The following PLCB1 variants were observed in gnomAD, a reference collection of about 807,000 sequenced individuals.
PLCB1 encodes 1-phosphatidylinositol 4,5-bisphosphate phosphodiesterase beta-1.
A neutral mutation model predicts 161.8 loss-of-function variants in PLCB1; 46 were observed. That is an observed-to-expected ratio of 0.28 (90% CI 0.22 to 0.36). The LOEUF is 0.36. Among genes scored for constraint, PLCB1 ranks in the 10% least tolerant of loss-of-function variants. The probability of loss-of-function intolerance (pLI) is 1.00; values close to 1 mark genes in which losing one functional copy is unlikely to be tolerated. For missense variants in PLCB1, 1,016 were observed against 1,472.5 expected (o/e 0.69, Z 5.07); for synonymous variants, 517 against 503.7 (o/e 1.03, Z -0.35).
At chr20:8,694,589 C>G (rs1196535404) in intron 10 of PLCB1, among the ~76,000 whole-genome samples, 1 of 152,156 alleles carries the variant, frequency 6.6e-6, no homozygotes, top group Non-Finnish European at 1.5e-5. Flanking sequence ...AAATGTTTCT[C>G]AAAACTTTGA....
intron 9 of PLCB1, among the ~76,000 whole-genome samples, chr20:8,676,436 G>GAAAGAAAGAAAGAAAGAAAGAA (rs1568556522): frequency 1.3e-4 from 19 of 147,248 alleles, no homozygotes; most frequent in African/African-American, 4.2e-4. Context: ...GAAAGAAAGA[G>GAAAGAAAGAAAGAAAGAAAGAA]AGAAAGAGTA....
intron 31 of PLCB1, among the ~76,000 whole-genome samples, chr20:8,830,536 C>T (rs929142397): frequency 2.0e-5 from 3 of 152,200 alleles, no homozygotes; most frequent in African/African-American, 7.2e-5. Flanking sequence ...GTAAGGACCA[C>T]TGAATACACA....
intron 18 of PLCB1, among the ~76,000 whole-genome samples, chr20:8,730,910 A>G (rs1980205149): frequency 6.6e-6 from 1 of 151,744 alleles, no homozygotes; most frequent in South Asian, 2.1e-4. Context: ...TATTTTACAA[A>G]TGATCATCTT....
chr20:8,180,109 C>G (rs148821488), intron 2 of PLCB1, among the ~76,000 whole-genome samples: 6 of 151,892 alleles, frequency 4.0e-5, no homozygotes, highest in Non-Finnish European at 8.8e-5. Context: ...CCGCCCGCCT[C>G]GGCCTCCCAA....
chr20:8,802,160 G>T, intron 31 of PLCB1: 2 of 1,597,730 alleles, frequency 1.3e-6, no homozygotes, highest in Non-Finnish European at 1.7e-6. Context: ...GGTGACCACC[G>T]TCCTTCCGGC....
intron 3 of PLCB1, among the ~76,000 whole-genome samples, chr20:8,428,165 T>C (rs1007580132): frequency 1.3e-5 from 2 of 151,814 alleles, no homozygotes; most frequent in Non-Finnish European, 2.9e-5. Context: ...CTTGAGTCTC[T>C]CTAATAAAAA....
chr20:8,766,481 G>T (rs6086587), intron 26 of PLCB1, among the ~76,000 whole-genome samples: 58,487 of 152,010 alleles, frequency 0.38, 11,974 homozygotes, highest in Middle Eastern at 0.53. Flanking sequence ...ATGTGCTTGT[G>T]CCAGGAACAG....
At chr20:8,140,808 T>A (rs937584594) in intron 1 of PLCB1, among the ~76,000 whole-genome samples, 3 of 152,132 alleles carry the variant, frequency 2.0e-5, no homozygotes, top group African/African-American at 7.2e-5. Context: ...TTTTTTTATT[T>A]TTTTTTTTAG....
At chr20:8,591,250 A>G (rs1306581079) in intron 3 of PLCB1, among the ~76,000 whole-genome samples, 3 of 152,138 alleles carry the variant, frequency 2.0e-5, no homozygotes, top group African/African-American at 7.2e-5. Context: ...CTTGCCATGT[A>G]ACCTAACACA....
chr20:8,629,875 TTC>T (rs35542041), intron 4 of PLCB1, among the ~76,000 whole-genome samples: 7,891 of 81,894 alleles, frequency 0.096, 519 homozygotes, highest in Admixed American at 0.17. Context: ...CTTTCTTTCT[TTC>T]TCTCTCTCTT....
chr20:8,751,102 A>ATTTTT (rs368948762), intron 23 of PLCB1: 3,972 of 186,758 alleles, frequency 0.021, 59 homozygotes, highest in Non-Finnish European at 0.027. Flanking sequence ...AGCCCGGCTA[A>ATTTTT]TTTTTTTTTT....
intron 4 of PLCB1, among the ~76,000 whole-genome samples, chr20:8,645,080 G>C (rs1022835101): frequency 2.0e-5 from 3 of 151,918 alleles, no homozygotes; most frequent in Admixed American, 2.0e-4. Flanking sequence ...GATTAAGGGC[G>C]GTGCAAGATG....
intron 23 of PLCB1, among the ~76,000 whole-genome samples, chr20:8,748,004 AAAATC>A (rs1414510440): frequency 6.6e-6 from 1 of 152,210 alleles, no homozygotes; most frequent in Non-Finnish European, 1.5e-5. Context: ...ACTTGACACT[AAAATC>A]AAAGATGAGG....
chr20:8,668,142 GA>G (rs1180110774), intron 9 of PLCB1, among the ~76,000 whole-genome samples: 43 of 142,100 alleles, frequency 3.0e-4, no homozygotes, highest in East Asian at 1.2e-3. Flanking sequence ...GTCGAATGCA[GA>G]AAAAAAAAAA....
intron 3 of PLCB1, among the ~76,000 whole-genome samples, chr20:8,403,728 A>G (rs537205142): frequency 6.8e-4 from 104 of 152,318 alleles, no homozygotes; most frequent in Non-Finnish European, 1.2e-3. Flanking sequence ...CCACTGCAAG[A>G]CAGATTGTGG....
Position 8,789,710 on chromosome 20 carries a change from A to G in PLCB1, c.3336+135A>G. 5.8e-6 allele frequency: 4 copies of G among 685,058 alleles called. No individual in the cohort carries two copies. In the Admixed American group the frequency reaches 8.8e-5, roughly 15 times the overall value. 42.4% of individuals were successfully genotyped at this position (685,058 alleles called of 1,614,324 possible). On this transcript the variant is annotated intron_variant, in intron 30 of 31. Coordinates refer to ENST00000338037, the MANE Select transcript of PLCB1 (RefSeq NM_015192.4). ...CTAGCACCTAGCAGAGCTGTTTCAC[A>G]GGGTGGGCACTCCTTAATCAACATT...
intron 3 of PLCB1, among the ~76,000 whole-genome samples, chr20:8,442,623 A>G (rs1392612631): frequency 1.3e-5 from 2 of 152,212 alleles, no homozygotes; most frequent in Non-Finnish European, 2.9e-5. Flanking sequence ...AATATCTGTA[A>G]CAAAGGGTTA....
intron 3 of PLCB1, among the ~76,000 whole-genome samples, chr20:8,627,204 A>T (rs1028312694): frequency 1.3e-5 from 2 of 152,182 alleles, no homozygotes; most frequent in Admixed American, 6.5e-5. Context: ...TTTATTAACT[A>T]AAGAGAGAAT....
chr20:8,254,937 GA>G (rs1981333940), intron 2 of PLCB1, among the ~76,000 whole-genome samples: 1 of 151,950 alleles, frequency 6.6e-6, no homozygotes, highest in Non-Finnish European at 1.5e-5. Context: ...TAATATATTT[GA>G]AAAATGCTTT....
Sources: gnomAD v4.1 joint callset for allele counts (sites outside exome capture counted in the v4.1 genomes callset) on GRCh38, gnomAD v4.1.1 for gene constraint, MANE v1.5 for transcripts, NCBI Gene and HGNC (gene_info 2026-07-23, HGNC 2026-07-21) for gene names.